Variants in RALGAPA2 observed in about 807,000 individuals in gnomAD.
The protein encoded by RALGAPA2 is ral GTPase-activating protein subunit alpha-2.
RALGAPA2 carries 139 observed loss-of-function variants against 230.4 expected under a neutral mutation model. That is an observed-to-expected ratio of 0.60 (90% CI 0.53 to 0.69). RALGAPA2 has a LOEUF of 0.69. Ranked by LOEUF, RALGAPA2 falls within the 30% of genes least tolerant of loss-of-function variation. RALGAPA2 has a pLI of 0.00. For missense variants in RALGAPA2, 2,163 were observed against 2,276.0 expected (o/e 0.95, Z 1.01); for synonymous variants, 847 against 837.8 (o/e 1.01, Z -0.19).
intron 3 of RALGAPA2, among the ~76,000 whole-genome samples, chr20:20,669,670 C>T (rs1413952753): frequency 6.6e-6 from 1 of 152,236 alleles, no homozygotes; most frequent in African/African-American, 2.4e-5. Flanking sequence ...GCCCTCAGTT[C>T]TGTCTCTGTC....
At position 20,442,968 on chromosome 20, in the gene RALGAPA2, A is replaced by C. The variant is rs150129000; in HGVS notation, c.5495+29861T>G. 2.0e-4 allele frequency among the ~76,000 whole-genome samples: 30 copies of C among 152,336 alleles called. No individual in the cohort carries two copies. In the East Asian group the frequency reaches 3.5e-3, roughly 18 times the overall value. On this transcript the variant is annotated intron_variant, in intron 37 of 39. Transcript: ENST00000202677. ...CAGTTAAAAGATGAAGAGACAAAAG[A>C]TACGCTAGCATAGCCTTTGAACTTT...
At chr20:20,700,451 A>G (rs1284598548) in intron 1 of RALGAPA2, among the ~76,000 whole-genome samples, 1 of 152,176 alleles carries the variant, frequency 6.6e-6, no homozygotes, top group African/African-American at 2.4e-5. Flanking sequence ...TGTACCTAAA[A>G]TAAAAGTTGA....
chr20:20,636,558 ATG>A lies in RALGAPA2; in HGVS notation c.805+803_805+804del, dbSNP rs1290152116. Among the ~76,000 whole-genome samples, 407 of 133,426 alleles carry A rather than the reference ATG, an allele frequency of 3.1e-3. 1 individual carries two copies. Among genetic ancestry groups the A allele is most frequent in the African/African-American group, 3.8e-3 (140 of 36,524 alleles). 87.5% of individuals were successfully genotyped at this position (133,426 alleles called of 152,430 possible). A position where few individuals can be genotyped will look rare whatever the true frequency, so the allele number is the denominator to read the frequency against. On this transcript the variant is annotated intron_variant, in intron 8 of 39. Transcript: ENST00000202677. The stretch of plus-strand genomic sequence containing the variant: ...TCTCCCCGTGTGTGTGTGTGTGTGT[ATG>A]TGTGTGTGTGTGTGTGTGTGTGTAC...
At chr20:20,496,792 G>T (rs890065738) in intron 35 of RALGAPA2, among the ~76,000 whole-genome samples, 5 of 152,160 alleles carry the variant, frequency 3.3e-5, no homozygotes, top group African/African-American at 1.2e-4. Context: ...TGTTTATAAG[G>T]TTACAAAAGG....
rs186066863 is a variant in RALGAPA2 at position 20,477,335 on chromosome 20, T to C, written c.5368-4379A>G. Among the ~76,000 whole-genome samples the C allele has an allele frequency of 5.3e-3, 806 of 152,304 alleles. 7 individuals carry two copies. The highest frequency in any genetic ancestry group is 0.018 in the African/African-American group (769 of 41,578). ...CTACCCAACAACTGCAGAAAACACA[T>C]TCATTTCAAGCATGTACAGAATACT... On this transcript the variant is annotated intron_variant, in intron 36 of 39. Coordinates refer to ENST00000202677, the MANE Select transcript of RALGAPA2 (RefSeq NM_020343.4).
At chr20:20,528,488 C>G (rs141959678) in intron 27 of RALGAPA2, among the ~76,000 whole-genome samples, 1 of 152,078 alleles carries the variant, frequency 6.6e-6, no homozygotes, top group Non-Finnish European at 1.5e-5. Context: ...TCAGGAAGTA[C>G]AGCTGGCAGG....
intron 3 of RALGAPA2, among the ~76,000 whole-genome samples, chr20:20,669,062 A>C (rs1204542726): frequency 6.6e-6 from 1 of 152,248 alleles, no homozygotes; most frequent in East Asian, 1.9e-4. Flanking sequence ...GAATCTGTTT[A>C]TCTGTGATTT....
intron 38 of RALGAPA2, among the ~76,000 whole-genome samples, chr20:20,407,469 G>T (rs970513127): frequency 2.0e-5 from 3 of 152,206 alleles, no homozygotes; most frequent in Non-Finnish European, 4.4e-5. Flanking sequence ...GACTGCATGC[G>T]GAATGACGAG....
chr20:20,659,540 T>C (rs1404185962), intron 3 of RALGAPA2, among the ~76,000 whole-genome samples: 4 of 152,110 alleles, frequency 2.6e-5, no homozygotes, highest in Admixed American at 2.0e-4. Flanking sequence ...ATCAAAATAA[T>C]CCGAAAACAA....
chr20:20,499,398 A>G (rs543903825), intron 35 of RALGAPA2, among the ~76,000 whole-genome samples: 1 of 152,194 alleles, frequency 6.6e-6, no homozygotes, highest in Non-Finnish European at 1.5e-5. Flanking sequence ...TTATCTTTTA[A>G]CAAAATAATT....
At chr20:20,428,193 T>A (rs959509682) in intron 37 of RALGAPA2, among the ~76,000 whole-genome samples, 1 of 152,238 alleles carries the variant, frequency 6.6e-6, no homozygotes, top group African/African-American at 2.4e-5. Flanking sequence ...CCATCTATTC[T>A]GCCTAAACTC....
chr20:20,521,102 T>C lies in RALGAPA2; in HGVS notation c.3901-2A>G. On this transcript the variant is annotated splice_acceptor_variant, in intron 30 of 39. Transcript: ENST00000202677. LOFTEE classifies it high-confidence loss of function. ...GCCACACACACAGCAGTGCAAAACC[T>C]GTGAAAACAGAGGCCATGTGCACCA... 6 of 1,598,450 alleles carry C rather than the reference T, an allele frequency of 3.8e-6. No individual in the cohort carries two copies. The highest frequency in any genetic ancestry group is 5.1e-6 in the Non-Finnish European group (6 of 1,168,402).
chr20:20,629,430 T>G lies in RALGAPA2; in HGVS notation c.1166A>C (p.Glu389Ala). 1 of 1,613,876 alleles carries G rather than the reference T, an allele frequency of 6.2e-7. No homozygotes were observed. Among genetic ancestry groups the G allele is most frequent in the Non-Finnish European group, 8.5e-7 (1 of 1,179,872 alleles). Residue 389 changes from glutamate to alanine, a missense_variant, in exon 10 of 40, where the codon GAA (glutamate) becomes GCA (alanine). Coordinates refer to ENST00000202677, the MANE Select transcript of RALGAPA2 (RefSeq NM_020343.4). ...TGACAAGAGAATCCGCTGTACCATT[T>G]CATACACCATTCGGTGCTCTTCTTC... is the stretch of plus-strand genomic sequence containing the variant. ...SIEEEHRMVY[E>A]MVQRILLSTR...
chr20:20,524,317 A>G (rs2063133331), intron 30 of RALGAPA2, 89 bp downstream of exon 30: 3 of 1,502,192 alleles, frequency 2.0e-6, no homozygotes, highest in Non-Finnish European at 1.8e-6. Flanking sequence ...AAGGGCAATG[A>G]CAAATAAGTA....
At chr20:20,496,929 T>C (rs2062224218) in intron 35 of RALGAPA2, among the ~76,000 whole-genome samples, 1 of 152,228 alleles carries the variant, frequency 6.6e-6, no homozygotes, top group Non-Finnish European at 1.5e-5. Context: ...GGGTGCACGA[T>C]TCAACTGTGT....
intron 16 of RALGAPA2, among the ~76,000 whole-genome samples, chr20:20,599,952 T>A (rs1221062892): frequency 6.8e-6 from 1 of 146,740 alleles, no homozygotes; most frequent in Non-Finnish European, 1.5e-5. Flanking sequence ...CAGCCTGGGC[T>A]TTTTTTTAAG....
At chr20:20,424,929 C>T (rs1427001950) in intron 37 of RALGAPA2, among the ~76,000 whole-genome samples, 1 of 152,124 alleles carries the variant, frequency 6.6e-6, no homozygotes, top group Non-Finnish European at 1.5e-5. Flanking sequence ...TCTATCATCA[C>T]TGACTCTAAG....
chr20:20,638,039 A>G (rs1480045356), intron 7 of RALGAPA2, among the ~76,000 whole-genome samples: 1 of 152,216 alleles, frequency 6.6e-6, no homozygotes, highest in African/African-American at 2.4e-5. Context: ...GATAAACCAG[A>G]CATGCCAGTC....
At chr20:20,576,333 A>G (rs987353774) in intron 20 of RALGAPA2, among the ~76,000 whole-genome samples, 2 of 152,132 alleles carry the variant, frequency 1.3e-5, no homozygotes, top group African/African-American at 2.4e-5. Flanking sequence ...AGGATATCAC[A>G]TAACAAATAG....
Sources: allele counts gnomAD v4.1 joint callset (sites outside exome capture counted in the v4.1 genomes callset), GRCh38; gene constraint gnomAD v4.1.1; transcripts MANE v1.5; gene names NCBI Gene and HGNC (gene_info 2026-07-23, HGNC 2026-07-21).